STK32B: variants seen among roughly 807,000 people sequenced by gnomAD.
The protein encoded by STK32B is serine/threonine kinase 32B, also known as serine/threonine-protein kinase 32B.
Under a neutral mutation model 52.6 loss-of-function variants are expected in STK32B, and 43 were observed. The observed-to-expected ratio is 0.82, with a 90% CI of 0.64 to 1.05. STK32B has a LOEUF of 1.05. Ranked by LOEUF, STK32B falls within the 50% of genes least tolerant of loss-of-function variation. STK32B has a pLI of 0.00. For synonymous variants in STK32B, 238 were observed against 204.3 expected (o/e 1.17, Z -1.41); for missense variants, 621 against 534.6 (o/e 1.16, Z -1.59).
rs184052780 is a variant in STK32B, at chr4:5,393,327, C to T, written c.435-4880C>T. Among the ~76,000 whole-genome samples, 503 of 152,318 alleles carry T rather than the reference C, an allele frequency of 3.3e-3. 4 individuals are homozygous for T. Among genetic ancestry groups the T allele is most frequent in the South Asian group, 0.015 (71 of 4,828 alleles). Reference sequence around the variant, plus strand: ...TTGCTGTCATAAGAACCATCTCATCCAATCCTCACTGTAGCCATTAGAGAG... The same window carrying T: ...TTGCTGTCATAAGAACCATCTCATCTAATCCTCACTGTAGCCATTAGAGAG... On this transcript the variant is annotated intron_variant, in intron 4 of 11. Coordinates refer to ENST00000282908, the MANE Select transcript of STK32B (RefSeq NM_018401.3).
At chr4:5,420,188 G>A (rs1221997706) in intron 6 of STK32B, among the ~76,000 whole-genome samples, 1 of 152,184 alleles carries the variant, frequency 6.6e-6, no homozygotes, top group African/African-American at 2.4e-5. Flanking sequence ...CCCAAGCTCT[G>A]AAGTACATCT....
chr4:5,358,693 A>T (rs1560349787), intron 4 of STK32B, among the ~76,000 whole-genome samples: 1 of 132,200 alleles, frequency 7.6e-6, no homozygotes, highest in East Asian at 2.2e-4. Context: ...GGACACATTC[A>T]CACACATGCA....
At chr4:5,220,916 C>T (rs1212957646) in intron 3 of STK32B, among the ~76,000 whole-genome samples, 1 of 152,206 alleles carries the variant, frequency 6.6e-6, no homozygotes, top group Non-Finnish European at 1.5e-5. Context: ...GCTGAGAATT[C>T]TATTCTTTAA....
chr4:5,423,711 G>A (rs1295393044), intron 6 of STK32B, among the ~76,000 whole-genome samples: 1 of 152,164 alleles, frequency 6.6e-6, no homozygotes, highest in African/African-American at 2.4e-5. Flanking sequence ...GCACTAGGGA[G>A]ATGATGGGGC....
chr4:5,029,992 A>G, the STK32B span, among the ~76,000 whole-genome samples: 1 of 151,906 alleles, frequency 6.6e-6, no homozygotes, highest in South Asian at 2.1e-4. Flanking sequence ...TTTGCTCAGC[A>G]CTCTCTTTTC....
intron 3 of STK32B, among the ~76,000 whole-genome samples, chr4:5,280,542 G>T (rs1461219016): frequency 1.3e-5 from 2 of 152,074 alleles, no homozygotes; most frequent in African/African-American, 4.8e-5. Context: ...TATCTTTATA[G>T]AAATGCCCCC....
chr4:5,442,713 A>G (rs1714909379), intron 6 of STK32B, among the ~76,000 whole-genome samples: 1 of 152,042 alleles, frequency 6.6e-6, no homozygotes, highest in African/African-American at 2.4e-5. Flanking sequence ...TGGTCTTTAC[A>G]TTTTGGCATG....
chr4:5,431,500 T>G (rs1713577397), intron 6 of STK32B, among the ~76,000 whole-genome samples: 1 of 108,136 alleles, frequency 9.2e-6, no homozygotes. Context: ...CATGAAAACT[T>G]CCAAAAGTCC....
At chr4:5,222,897 C>T (rs372702213) in intron 3 of STK32B, among the ~76,000 whole-genome samples, 1 of 152,246 alleles carries the variant, frequency 6.6e-6, no homozygotes, top group African/African-American at 2.4e-5. Context: ...ATAAGGCAGC[C>T]AGGTGCTATT....
chr4:5,494,683 C>T (rs1469009558), intron 11 of STK32B, among the ~76,000 whole-genome samples: 3 of 152,186 alleles, frequency 2.0e-5, no homozygotes, highest in South Asian at 4.1e-4. Context: ...ATGGTCTTTA[C>T]ATTTTGGCAT....
chr4:5,248,960 G>A (rs1004698343), intron 3 of STK32B, among the ~76,000 whole-genome samples: 14 of 151,952 alleles, frequency 9.2e-5, no homozygotes, highest in African/African-American at 2.9e-4. Context: ...GATAGCATTA[G>A]GAGATATACC....
At chr4:5,106,921 C>T (rs1043477719) in intron 1 of STK32B, among the ~76,000 whole-genome samples, 5 of 152,190 alleles carry the variant, frequency 3.3e-5, no homozygotes, top group Non-Finnish European at 7.3e-5. Flanking sequence ...GAATAATTTT[C>T]AGCACGAATT....
At chr4:5,185,657 C>T (rs186220269) in intron 3 of STK32B, among the ~76,000 whole-genome samples, 1 of 152,234 alleles carries the variant, frequency 6.6e-6, no homozygotes, top group Non-Finnish European at 1.5e-5. Context: ...AGCAATTGTC[C>T]CTAGCCTGAA....
intron 11 of STK32B, among the ~76,000 whole-genome samples, chr4:5,484,644 G>C (rs1292240051): frequency 2.6e-5 from 4 of 152,066 alleles, no homozygotes; most frequent in African/African-American, 7.2e-5. Context: ...ATGTTAGCTG[G>C]TTATTTTGCT....
intron 4 of STK32B, among the ~76,000 whole-genome samples, chr4:5,397,524 C>A (rs908870633): frequency 9.2e-5 from 14 of 152,210 alleles, no homozygotes; most frequent in Non-Finnish European, 1.8e-4. Context: ...GATTTTGTCC[C>A]ATGTGGGTCA....
intron 4 of STK32B, among the ~76,000 whole-genome samples, chr4:5,384,657 G>T (rs1374864823): frequency 6.6e-6 from 1 of 152,200 alleles, no homozygotes; most frequent in Admixed American, 6.5e-5. Context: ...ACAGTCAAGG[G>T]AGTCGAGGAT....
At chr4:5,457,068 G>A (rs1187583519) in intron 8 of STK32B, 145 bp downstream of exon 8, 6 of 585,380 alleles carry the variant, frequency 1.0e-5, no homozygotes, top group African/African-American at 5.6e-5. Flanking sequence ...GCCAAATGCC[G>A]TGGAATAAAC....
intron 4 of STK32B, among the ~76,000 whole-genome samples, chr4:5,369,881 TTTG>T (rs1735115209): frequency 2.6e-5 from 4 of 151,024 alleles, no homozygotes; most frequent in African/African-American, 9.8e-5. Context: ...TGTTTGTTTG[TTTG>T]TTTTTTTTTG....
intron 1 of STK32B, among the ~76,000 whole-genome samples, chr4:5,106,131 C>T (rs1714096071): frequency 6.6e-6 from 1 of 151,644 alleles, no homozygotes; most frequent in African/African-American, 2.4e-5. Context: ...GATGAAACCC[C>T]ACCTCTGCTA....
Sources: allele counts gnomAD v4.1 joint callset (sites outside exome capture counted in the v4.1 genomes callset), GRCh38; gene constraint gnomAD v4.1.1; transcripts MANE v1.5; gene names NCBI Gene and HGNC (gene_info 2026-07-23, HGNC 2026-07-21).